Variants in SLC45A4 observed in about 807,000 individuals in gnomAD.
SLC45A4 encodes the protein solute carrier family 45 member 4.
SLC45A4 carries 32 observed loss-of-function variants against 63.7 expected under a neutral mutation model. The observed-to-expected ratio is 0.50, with a 90% CI of 0.38 to 0.67. The LOEUF (loss-of-function observed/expected upper bound fraction) is 0.67, where lower values mean the gene tolerates loss of function less well. SLC45A4 is among the 30% of genes least tolerant of loss of function. SLC45A4 has a pLI of 0.00. For synonymous variants in SLC45A4, 535 were observed against 510.0 expected (o/e 1.05, Z -0.66); for missense variants, 1,027 against 1,157.7 (o/e 0.89, Z 1.64).
chr8:141,298,392 T>G (rs566667891), intron 1 of SLC45A4, among the ~76,000 whole-genome samples: 1 of 152,190 alleles, frequency 6.6e-6, no homozygotes, highest in Non-Finnish European at 1.5e-5. Flanking sequence ...CAGATGGCTG[T>G]CTTCTCAGGC....
intron 1 of SLC45A4, among the ~76,000 whole-genome samples, chr8:141,293,772 A>G (rs757202535): frequency 6.6e-6 from 1 of 151,998 alleles, no homozygotes; most frequent in Non-Finnish European, 1.5e-5. Flanking sequence ...GTCTCTACTA[A>G]AAGTACAAAA....
At chr8:141,271,584 CTCCTGATCCCCT>C (rs1388399682) in intron 1 of SLC45A4, among the ~76,000 whole-genome samples, 2 of 152,216 alleles carry the variant, frequency 1.3e-5, no homozygotes, top group Non-Finnish European at 2.9e-5. Flanking sequence ...GGTAATCCCC[CTCCTGATCCCCT>C]TCCTGACCCC....
At chr8:141,230,089 T>C (rs1231416156) in intron 2 of SLC45A4, 1 of 456,238 alleles carries the variant, frequency 2.2e-6, no homozygotes, top group Non-Finnish European at 4.4e-6. Flanking sequence ...TCTCGGTAAA[T>C]GAATTACATG....
In SLC45A4 at chr8:141,218,070, C is replaced by T. The variant is rs758641997; in HGVS notation, c.1570G>A (p.Ala524Thr). Residue 524 changes from alanine to threonine, a missense_variant, in exon 5 of 9, where the codon GCC becomes ACC. By Grantham distance (58) the Ala-to-Thr change is moderately conservative. Coordinates refer to ENST00000517878, the MANE Select transcript of SLC45A4 (RefSeq NM_001286646.2). The part of the protein sequence containing the change: ...CHLLTWFSVI[A>T]EAVFYTDFMG... ...AAGTCGGTGTAGAACACGGCCTCGGCGATGACAGAGAACCAGGTGAGGAGG... is the reference window on the plus strand; with the variant it reads ...AAGTCGGTGTAGAACACGGCCTCGGTGATGACAGAGAACCAGGTGAGGAGG... The T allele has an allele frequency of 8.1e-6, 13 of 1,612,604 alleles. No homozygotes were observed. The highest frequency in any genetic ancestry group is 5.9e-6 in the Non-Finnish European group (7 of 1,179,946).
intron 1 of SLC45A4, among the ~76,000 whole-genome samples, chr8:141,274,859 T>C (rs892870640): frequency 2.0e-5 from 3 of 152,208 alleles, no homozygotes; most frequent in African/African-American, 7.2e-5. Context: ...ACCCTTCTAC[T>C]TCCTCGTGGA....
chr8:141,277,526 C>T (rs184289640), intron 1 of SLC45A4, among the ~76,000 whole-genome samples: 15 of 152,060 alleles, frequency 9.9e-5, no homozygotes, highest in African/African-American at 3.4e-4. Flanking sequence ...TTATCACAGA[C>T]GTGATAAAAT....
Position 141,212,356 on chromosome 8 carries a change from C to T in SLC45A4, c.2142G>A (p.Val714=). 1 of 1,613,630 alleles carries T rather than the reference C, an allele frequency of 6.2e-7. No homozygotes were observed. The highest frequency in any genetic ancestry group is 8.5e-7 in the Non-Finnish European group (1 of 1,180,016). ...FLGFLTATFL[V]IYPNVSEEAK... Reference sequence around the variant, plus strand: ...CCTCCTCTGACACGTTGGGATAGATCACCAGGAATGTGGCCGTCAGGAAGC... The same window carrying T: ...CCTCCTCTGACACGTTGGGATAGATTACCAGGAATGTGGCCGTCAGGAAGC... Residue 714 remains valine, a synonymous_variant, in exon 8 of 9, where the codon GTG becomes GTA. Coordinates refer to ENST00000517878, the MANE Select transcript of SLC45A4 (RefSeq NM_001286646.2).
At chr8:141,220,673 T>C (rs1197950936) in intron 3 of SLC45A4, among the ~76,000 whole-genome samples, 1 of 152,244 alleles carries the variant, frequency 6.6e-6, no homozygotes, top group Non-Finnish European at 1.5e-5. Context: ...AAGGGCTTTC[T>C]GCCCAGGTGG....
At chr8:141,219,226 A>G (rs1246500823) in intron 4 of SLC45A4, among the ~76,000 whole-genome samples, 197 bp from the exon 5 acceptor site, 2 of 152,272 alleles carry the variant, frequency 1.3e-5, no homozygotes, top group African/African-American at 4.8e-5. Flanking sequence ...CTGACCCGAC[A>G]GAACTGCCCC....
At chr8:141,232,832 G>T (rs576950606) in intron 2 of SLC45A4, among the ~76,000 whole-genome samples, 1 of 151,938 alleles carries the variant, frequency 6.6e-6, no homozygotes, top group Admixed American at 6.6e-5. Context: ...GGGAACACAC[G>T]CACTCAATGG....
At chr8:141,275,080 A>T (rs961266356) in intron 1 of SLC45A4, among the ~76,000 whole-genome samples, 2 of 152,210 alleles carry the variant, frequency 1.3e-5, no homozygotes, top group African/African-American at 4.8e-5. Context: ...TCCGCCAACC[A>T]CATCGGTTCG....
chr8:141,233,153 G>A (rs750939958), intron 2 of SLC45A4, among the ~76,000 whole-genome samples: 10 of 152,268 alleles, frequency 6.6e-5, no homozygotes, highest in African/African-American at 1.7e-4. Flanking sequence ...CGGCCAGCCC[G>A]CAAAGTTCTT....
intron 1 of SLC45A4, among the ~76,000 whole-genome samples, chr8:141,303,051 G>A (rs1349578163): frequency 6.8e-6 from 1 of 147,740 alleles, no homozygotes; most frequent in Admixed American, 6.8e-5. Flanking sequence ...CTGGAGTGCA[G>A]TGTGGGTGTG....
At chr8:141,212,131 CCCCGCCG>C (rs1230702023) in intron 8 of SLC45A4, 59 bp downstream of exon 8, 66 of 1,192,078 alleles carry the variant, frequency 5.5e-5, no homozygotes, top group African/African-American at 1.1e-4. Context: ...CATGGCCTGG[CCCCGCCG>C]CCCGCCCGCC....
intron 1 of SLC45A4, among the ~76,000 whole-genome samples, chr8:141,266,100 TCTA>T (rs1406217523): frequency 2.0e-5 from 3 of 152,164 alleles, no homozygotes; most frequent in African/African-American, 7.2e-5. Context: ...AACTTTCAGA[TCTA>T]CAGCACAGTC....
At chr8:141,266,829 A>G (rs568769329) in intron 1 of SLC45A4, among the ~76,000 whole-genome samples, 1 of 152,312 alleles carries the variant, frequency 6.6e-6, no homozygotes, top group East Asian at 1.9e-4. Flanking sequence ...AATTTCCAAA[A>G]CAGATCTAAC....
At chr8:141,290,168 C>T (rs72683505) in intron 1 of SLC45A4, among the ~76,000 whole-genome samples, 6,525 of 152,212 alleles carry the variant, frequency 0.043, 191 homozygotes, top group Middle Eastern at 0.085. Context: ...TCTACATCTA[C>T]GGTCATCTAA....
At chr8:141,258,765 C>A (rs1263850016) in intron 1 of SLC45A4, among the ~76,000 whole-genome samples, 2 of 151,912 alleles carry the variant, frequency 1.3e-5, no homozygotes, top group Non-Finnish European at 2.9e-5. Context: ...ATGGTATGTG[C>A]CTATAGTCCC....
rs561078514 is a variant in SLC45A4 at position 141,250,955 on chromosome 8, G to T, written c.241+3034C>A. Reference sequence around the variant, plus strand: ...TAAAGTATGAAAATTCCAAGGTGTTGTGGAAGTATTAGGGTTTTCAAAGCC... The same window carrying T: ...TAAAGTATGAAAATTCCAAGGTGTTTTGGAAGTATTAGGGTTTTCAAAGCC... On this transcript the variant is annotated intron_variant, in intron 2 of 8. Transcript: ENST00000517878. Among the ~76,000 whole-genome samples, 3 of 152,312 alleles carry T rather than the reference G, an allele frequency of 2.0e-5. No homozygotes were observed. The East Asian group carries it at 5.8e-4, about 29-fold the overall frequency.
Sources: allele counts gnomAD v4.1 joint callset (sites outside exome capture counted in the v4.1 genomes callset), GRCh38; gene constraint gnomAD v4.1.1; transcripts MANE v1.5; gene names NCBI Gene and HGNC (gene_info 2026-07-23, HGNC 2026-07-21).